XPR1: variants seen among roughly 807,000 people sequenced by gnomAD.
XPR1 encodes xenotropic and polytropic retrovirus receptor 1, also known as solute carrier family 53 member 1.
Under a neutral mutation model 87.5 loss-of-function variants are expected in XPR1, and 28 were observed. The ratio of observed to expected loss-of-function variants is 0.32; its 90% confidence interval spans 0.24 to 0.44. XPR1 has a LOEUF of 0.44. XPR1 is among the 20% of genes least tolerant of loss of function. The pLI is 1.00. For synonymous variants in XPR1, 300 were observed against 306.1 expected (o/e 0.98, Z 0.21); for missense variants, 559 against 862.3 (o/e 0.65, Z 4.41).
intron 1 of XPR1, among the ~76,000 whole-genome samples, chr1:180,648,418 G>A (rs1025052414): frequency 6.6e-6 from 1 of 152,104 alleles, no homozygotes; most frequent in Non-Finnish European, 1.5e-5. Context: ...GAATTACCTG[G>A]GCTGCTTCTA....
intron 1 of XPR1, among the ~76,000 whole-genome samples, chr1:180,664,813 G>A (rs1020944303): frequency 6.6e-6 from 1 of 152,140 alleles, no homozygotes; most frequent in African/African-American, 2.4e-5. Flanking sequence ...ATGGGGTGGA[G>A]GAAGAGAAAT....
chr1:180,680,226 C>CAAAACA (rs1458321592), intron 1 of XPR1, among the ~76,000 whole-genome samples: 1 of 150,522 alleles, frequency 6.6e-6, no homozygotes, highest in Non-Finnish European at 1.5e-5. Flanking sequence ...CAAAACAAAA[C>CAAAACA]AAAACAAAAA....
intron 2 of XPR1, among the ~76,000 whole-genome samples, chr1:180,728,365 C>G (rs1174515358): frequency 6.6e-6 from 1 of 150,950 alleles, no homozygotes; most frequent in Non-Finnish European, 1.5e-5. Flanking sequence ...GAGAGGATAC[C>G]ACAAACTGAT....
At chr1:180,775,085 A>G (rs1024071149) in intron 2 of XPR1, among the ~76,000 whole-genome samples, 7 of 152,202 alleles carry the variant, frequency 4.6e-5, no homozygotes, top group African/African-American at 1.7e-4. Flanking sequence ...CCACCTCTAA[A>G]TACTATGGCA....
chr1:180,680,154 A>G (rs2101941491), intron 1 of XPR1, among the ~76,000 whole-genome samples: 1 of 152,270 alleles, frequency 6.6e-6, no homozygotes, highest in Non-Finnish European at 1.5e-5. Context: ...AAGAAATACA[A>G]ATCAAAACCA....
At chr1:180,880,037 C>A (rs749453193) in intron 13 of XPR1, 39 bp from the exon 14 acceptor site, 2 of 1,608,176 alleles carry the variant, frequency 1.2e-6, no homozygotes, top group African/African-American at 1.3e-5. Context: ...AAGTATGTTA[C>A]AATTTCATAA....
At chr1:180,825,092 G>T in intron 8 of XPR1, 73 bp from the exon 9 acceptor site, 1 of 1,518,778 alleles carries the variant, frequency 6.6e-7, no homozygotes, top group Non-Finnish European at 8.8e-7. Context: ...TTTTATTAAA[G>T]ATATTTTAAG....
chr1:180,733,836 T>A (rs1240578159), intron 2 of XPR1, among the ~76,000 whole-genome samples: 1 of 152,186 alleles, frequency 6.6e-6, no homozygotes, highest in Non-Finnish European at 1.5e-5. Context: ...CAGAAAAAGA[T>A]GTTTTTGAGG....
At chr1:180,752,509 A>G (rs1451794706) in intron 2 of XPR1, among the ~76,000 whole-genome samples, 2 of 152,120 alleles carry the variant, frequency 1.3e-5, no homozygotes, top group Non-Finnish European at 1.5e-5. Flanking sequence ...TTTGATTTTC[A>G]GCATATGAAA....
chr1:180,751,939 T>C (rs1647549801), intron 2 of XPR1, among the ~76,000 whole-genome samples: 1 of 152,094 alleles, frequency 6.6e-6, no homozygotes, highest in Admixed American at 6.5e-5. Context: ...GAAGAATTAA[T>C]GTCTAAGGGG....
intron 2 of XPR1, among the ~76,000 whole-genome samples, chr1:180,743,457 A>G (rs900082629): frequency 1.3e-5 from 2 of 152,092 alleles, no homozygotes; most frequent in Non-Finnish European, 2.9e-5. Flanking sequence ...TTATGTTGAC[A>G]TCCACATACA....
intron 2 of XPR1, among the ~76,000 whole-genome samples, chr1:180,759,294 C>A (rs536383419): frequency 2.7e-4 from 41 of 152,194 alleles, no homozygotes; most frequent in African/African-American, 9.9e-4. Context: ...AATAGAGACA[C>A]AAAAAACCCT....
In XPR1 at chr1:180,855,189, A is replaced by G. The variant is rs559506850; in HGVS notation, c.1502-8519A>G. ...TTCTTTTCACAATGCTAGATAGAATACAATATTACAGGAAAGAAAAAAATT... is the reference window on the plus strand; with the variant it reads ...TTCTTTTCACAATGCTAGATAGAATGCAATATTACAGGAAAGAAAAAAATT... On this transcript the variant is annotated intron_variant, in intron 11 of 14. Coordinates refer to ENST00000367590, the MANE Select transcript of XPR1 (RefSeq NM_004736.4). Among the ~76,000 whole-genome samples, 25 of 152,346 alleles carry G rather than the reference A, an allele frequency of 1.6e-4. No individual in the cohort carries two copies. The South Asian group carries it at 5.0e-3, about 30-fold the overall frequency.
rs562453349 is a variant in XPR1, at chr1:180,879,500, C to T, written c.1809-576C>T. Reference sequence around the variant, plus strand: ...CCCCCACTGACCTTGCTGTTGTTTCCAACTTGCCTTTTTATACTTGCCATT... The same window carrying T: ...CCCCCACTGACCTTGCTGTTGTTTCTAACTTGCCTTTTTATACTTGCCATT... On this transcript the variant is annotated intron_variant, in intron 13 of 14. Transcript: ENST00000367590. Among the ~76,000 whole-genome samples the T allele has an allele frequency of 2.4e-4, 37 of 152,234 alleles. No homozygotes were observed. The Middle Eastern group carries it at 0.017, about 70-fold the overall frequency.
intron 6 of XPR1, among the ~76,000 whole-genome samples, chr1:180,807,319 G>C (rs1391511175): frequency 2.0e-5 from 3 of 152,152 alleles, no homozygotes; most frequent in Non-Finnish European, 2.9e-5. Context: ...AAAATCTAGT[G>C]AATCTATAGA....
chr1:180,772,753 C>T (rs1648567023), intron 2 of XPR1, among the ~76,000 whole-genome samples: 1 of 152,204 alleles, frequency 6.6e-6, no homozygotes, highest in Admixed American at 6.5e-5. Flanking sequence ...ATGTGACTTG[C>T]TCCTCCTTGC....
intron 2 of XPR1, among the ~76,000 whole-genome samples, chr1:180,748,330 A>G (rs929760515): frequency 6.6e-6 from 1 of 151,160 alleles, no homozygotes; most frequent in African/African-American, 2.4e-5. Context: ...AGGTTATATT[A>G]AAAGCAAAGT....
At chr1:180,806,296 T>C (rs894674748) in intron 5 of XPR1, 85 bp downstream of exon 5, 4 of 1,560,384 alleles carry the variant, frequency 2.6e-6, no homozygotes, top group Non-Finnish European at 3.5e-6. Flanking sequence ...TGTTATTTTG[T>C]AACTAGTTGC....
rs1034999319 is a variant in XPR1 at position 180,880,020 on chromosome 1, G to A, written c.1809-56G>A. On this transcript the variant is annotated intron_variant, in intron 13 of 14. Coordinates refer to ENST00000367590, the MANE Select transcript of XPR1 (RefSeq NM_004736.4). The stretch of plus-strand genomic sequence containing the variant: ...ACTTGATACACTGGGAGGTTTACAG[G>A]TAGCAGAAGTATGTTACAATTTCAT... 1.7e-5 allele frequency: 27 copies of A among 1,586,106 alleles called. No individual in the cohort carries two copies. In the Admixed American group the frequency reaches 4.5e-4, roughly 27 times the overall value.
Sources: allele counts gnomAD v4.1 joint callset (sites outside exome capture counted in the v4.1 genomes callset), GRCh38; gene constraint gnomAD v4.1.1; transcripts MANE v1.5; gene names NCBI Gene and HGNC (gene_info 2026-07-23, HGNC 2026-07-21).